Variants in MTMR7 observed in about 807,000 individuals in gnomAD.
MTMR7 encodes myotubularin related protein 7.
A neutral mutation model predicts 81.2 loss-of-function variants in MTMR7; 76 were observed. The ratio of observed to expected loss-of-function variants is 0.94; its 90% confidence interval spans 0.78 to 1.13. MTMR7 has a LOEUF of 1.13. Among genes scored for constraint, MTMR7 ranks in the 50% most tolerant of loss-of-function variants. The probability of loss-of-function intolerance (pLI) is 0.00; values close to 1 mark genes in which losing one functional copy is unlikely to be tolerated. For missense variants in MTMR7, 1,044 were observed against 820.0 expected (o/e 1.27, Z -3.34); for synonymous variants, 372 against 289.8 (o/e 1.28, Z -2.88).
chr8:17,335,806 A>C (rs930918200), intron 6 of MTMR7, among the ~76,000 whole-genome samples: 1 of 152,224 alleles, frequency 6.6e-6, no homozygotes. Context: ...CATCAGGTTT[A>C]CTTACATTCA....
At chr8:17,412,235 G>C (rs1434967635) in intron 1 of MTMR7, among the ~76,000 whole-genome samples, 2 of 152,108 alleles carry the variant, frequency 1.3e-5, no homozygotes, top group Non-Finnish European at 2.9e-5. Flanking sequence ...CCAAAATTTA[G>C]GAATCAATTC....
chr8:17,351,900 T>C (rs1233365825), intron 4 of MTMR7, among the ~76,000 whole-genome samples: 2 of 152,154 alleles, frequency 1.3e-5, no homozygotes, highest in Non-Finnish European at 2.9e-5. Context: ...CAAGTGGAAA[T>C]TAAAATAACA....
At chr8:17,383,794 C>G (rs1227127630) in intron 1 of MTMR7, among the ~76,000 whole-genome samples, 1 of 151,882 alleles carries the variant, frequency 6.6e-6, no homozygotes, top group Non-Finnish European at 1.5e-5. Flanking sequence ...TCCCGGTGGT[C>G]GAGGGATTCT....
chr8:17,396,433 T>G (rs1821252184), intron 1 of MTMR7, among the ~76,000 whole-genome samples: 1 of 152,212 alleles, frequency 6.6e-6, no homozygotes, highest in Non-Finnish European at 1.5e-5. Flanking sequence ...TCTGTGCACT[T>G]GCGGGAAGGA....
Position 17,407,733 on chromosome 8 carries a change from GA to G in MTMR7, c.24+5535del, listed in dbSNP as rs146096759. On this transcript the variant is annotated intron_variant, in intron 1 of 13. Transcript: ENST00000180173. ...GCAAACAATGTTTAGTGCACGCAAA[GA>G]AAAAAAACACCAGAAGAAAATGTAC... 3.9e-3 allele frequency among the ~76,000 whole-genome samples: 592 copies of G among 151,792 alleles called. 1 individual carries two copies. Among genetic ancestry groups the G allele is most frequent in the African/African-American group, 0.014 (567 of 41,430 alleles).
intron 4 of MTMR7, among the ~76,000 whole-genome samples, chr8:17,359,278 T>C (rs187850808): frequency 5.6e-4 from 86 of 152,298 alleles, no homozygotes; most frequent in Middle Eastern, 3.4e-3. Flanking sequence ...ATTTCATTGA[T>C]TGTTTAAGTA....
At chr8:17,341,297 A>T in intron 6 of MTMR7, 66 bp downstream of exon 6, 1 of 1,592,918 alleles carries the variant, frequency 6.3e-7, no homozygotes, top group Non-Finnish European at 8.6e-7. Context: ...GCAGTCGGCT[A>T]GCCTTTGCCT....
At chr8:17,390,553 G>A (rs921582122) in intron 1 of MTMR7, among the ~76,000 whole-genome samples, 1 of 152,264 alleles carries the variant, frequency 6.6e-6, no homozygotes, top group South Asian at 2.1e-4. Flanking sequence ...AGCAGGATAA[G>A]CAGTTGAGTG....
At chr8:17,398,347 G>T (rs1285568225) in intron 1 of MTMR7, among the ~76,000 whole-genome samples, 1 of 152,136 alleles carries the variant, frequency 6.6e-6, no homozygotes, top group Non-Finnish European at 1.5e-5. Flanking sequence ...TTAACAAATA[G>T]ATTCAAATAA....
chr8:17,349,423 A>G, intron 4 of MTMR7: 1 of 199,996 alleles, frequency 5.0e-6, no homozygotes, highest in Non-Finnish European at 1.1e-5. Context: ...AGAAAATCTG[A>G]GCTGCCAGGA....
intron 10 of MTMR7, 33 bp from the exon 11 acceptor site, chr8:17,305,990 C>G (rs1397930575): frequency 6.5e-7 from 1 of 1,534,578 alleles, no homozygotes; most frequent in South Asian, 1.2e-5. Flanking sequence ...CTTTTTAAGG[C>G]AGATTTATTT....
At chr8:17,378,991 A>G (rs1235909967) in intron 1 of MTMR7, among the ~76,000 whole-genome samples, 2 of 152,236 alleles carry the variant, frequency 1.3e-5, no homozygotes, top group Admixed American at 1.3e-4. Flanking sequence ...CCAATGTTTA[A>G]AGGTCTACAT....
At chr8:17,407,914 TCTG>T (rs892790750) in intron 1 of MTMR7, among the ~76,000 whole-genome samples, 2 of 152,202 alleles carry the variant, frequency 1.3e-5, no homozygotes, top group African/African-American at 2.4e-5. Flanking sequence ...ACCTCATGGA[TCTG>T]CTGATGTCCG....
intron 9 of MTMR7, among the ~76,000 whole-genome samples, 192 bp downstream of exon 9, chr8:17,311,319 C>G (rs574054581): frequency 2.0e-5 from 3 of 152,314 alleles, no homozygotes; most frequent in African/African-American, 7.2e-5. Context: ...AGAAATTCAT[C>G]TCTTTATTCC....
At chr8:17,369,684 C>T (rs1342656346) in intron 3 of MTMR7, among the ~76,000 whole-genome samples, 5 of 118,162 alleles carry the variant, frequency 4.2e-5, no homozygotes, top group Admixed American at 3.6e-4. Flanking sequence ...CTCGTTCTGT[C>T]ACCCAGGCTG....
In MTMR7 at chr8:17,413,327, C is replaced by T; in HGVS notation, c.-35G>A. Reference sequence around the variant, plus strand: ...ACGTCTGCAGGGTCCCGGGCGGGCGCGGCCTCACGCACCTGCGCGCCTCTG... The same window carrying T: ...ACGTCTGCAGGGTCCCGGGCGGGCGTGGCCTCACGCACCTGCGCGCCTCTG... On this transcript the variant is annotated 5_prime_UTR_variant, in exon 1 of 14. Transcript: ENST00000180173. 1 of 1,524,222 alleles carries T rather than the reference C, an allele frequency of 6.6e-7. No individual in the cohort carries two copies. The highest frequency in any genetic ancestry group is 8.8e-7 in the Non-Finnish European group (1 of 1,134,836). 94.4% of individuals were successfully genotyped at this position (1,524,222 alleles called of 1,614,324 possible). A position where few individuals can be genotyped will look rare whatever the true frequency, so the allele number is the denominator to read the frequency against.
intron 1 of MTMR7, among the ~76,000 whole-genome samples, chr8:17,389,445 C>G (rs1821040055): frequency 6.6e-6 from 1 of 152,244 alleles, no homozygotes; most frequent in Admixed American, 6.5e-5. Context: ...CCTTGGCTTA[C>G]TGGCTTCCTG....
chr8:17,368,218 C>G (rs960712998), intron 3 of MTMR7, among the ~76,000 whole-genome samples: 35 of 152,162 alleles, frequency 2.3e-4, no homozygotes, highest in African/African-American at 8.4e-4. Context: ...CACGAGTGAT[C>G]TCACAGGAGG....
At chr8:17,337,138 G>A (rs536563584) in intron 6 of MTMR7, among the ~76,000 whole-genome samples, 22 of 152,158 alleles carry the variant, frequency 1.4e-4, no homozygotes, top group African/African-American at 4.1e-4. Context: ...TTGGGAGGCC[G>A]AGAAGGGCGG....
Sources: gnomAD v4.1 joint callset for allele counts (sites outside exome capture counted in the v4.1 genomes callset) on GRCh38, gnomAD v4.1.1 for gene constraint, MANE v1.5 for transcripts, NCBI Gene and HGNC (gene_info 2026-07-23, HGNC 2026-07-21) for gene names.